Variants in DCLK3 observed in about 807,000 individuals in gnomAD.
The protein encoded by DCLK3 is serine/threonine-protein kinase DCLK3.
DCLK3 carries 30 observed loss-of-function variants against 46.4 expected under a neutral mutation model. That is an observed-to-expected ratio of 0.65 (90% CI 0.48 to 0.88). DCLK3 has a LOEUF of 0.88. Among genes scored for constraint, DCLK3 ranks in the 40% least tolerant of loss-of-function variants. DCLK3 has a pLI of 0.00. For missense variants in DCLK3, 846 were observed against 907.1 expected (o/e 0.93, Z 0.87); for synonymous variants, 401 against 339.2 (o/e 1.18, Z -2.00).
chr3:36,753,919 C>CCT (rs1559394765), intron 1 of DCLK3, among the ~76,000 whole-genome samples: 1 of 152,084 alleles, frequency 6.6e-6, no homozygotes, highest in Admixed American at 6.5e-5. Flanking sequence ...GCTCAAGTGA[C>CCT]CTCTCGCGCC....
At chr3:36,724,250 T>C (rs1701098293) in intron 2 of DCLK3, among the ~76,000 whole-genome samples, 1 of 152,192 alleles carries the variant, frequency 6.6e-6, no homozygotes, top group Admixed American at 6.5e-5. Context: ...CCCGACTGTA[T>C]CTAGGAAGTA....
At chr3:36,751,079 A>AAAAAAAAAAAC (rs1701437549) in intron 1 of DCLK3, among the ~76,000 whole-genome samples, 1 of 151,330 alleles carries the variant, frequency 6.6e-6, no homozygotes, top group Non-Finnish European at 1.5e-5. Flanking sequence ...AAAAAAAAAA[A>AAAAAAAAAAAC]AAAAAAACTC....
Position 36,738,155 on chromosome 3 carries a change from C to T in DCLK3, c.1012G>A (p.Gly338Ser). The change falls in exon 2 of 5, where the codon GGC (glycine) becomes AGC (serine). Residue 338 changes from glycine to serine, a missense_variant. By Grantham distance (56) the Gly-to-Ser change is moderately conservative. Transcript: ENST00000636136. ...AGCTTCTCCACATCATACATTGGGC[C>T]CTTCCCCATATCCAGCTCACTGGTC... ...LGTSELDMGK[G>S]PMYDVEKLVR... is the part of the protein sequence containing the mutation. The T allele has an allele frequency of 6.2e-7, 1 of 1,614,082 alleles. No individual in the cohort carries two copies. Among genetic ancestry groups the T allele is most frequent in the Non-Finnish European group, 8.5e-7 (1 of 1,180,000 alleles).
chr3:36,751,061 TCTAA>T lies in DCLK3; in HGVS notation c.83-11981_83-11978del, dbSNP rs1415038052. Among the ~76,000 whole-genome samples, 189 of 28,232 alleles carry T rather than the reference TCTAA, an allele frequency of 6.7e-3. 4 individuals carry two copies. The highest frequency in any genetic ancestry group is 9.4e-3 in the Non-Finnish European group (123 of 13,098). 18.5% of individuals were successfully genotyped at this position (28,232 alleles called of 152,430 possible). On this transcript the variant is annotated intron_variant, in intron 1 of 4. Transcript: ENST00000636136. ...CCTGATATCCCTGTAGACGGGATGA[TCTAA>T]AAAAAAAAAAAAAAAAAAAAACTCC... is the stretch of plus-strand genomic sequence containing the variant.
intron 1 of DCLK3, among the ~76,000 whole-genome samples, chr3:36,752,071 C>T (rs1054309871): frequency 6.6e-6 from 1 of 152,258 alleles, no homozygotes; most frequent in Non-Finnish European, 1.5e-5. Flanking sequence ...CCAGCTCTTA[C>T]ACGTGTTGGC....
In DCLK3 at chr3:36,738,388, G is replaced by A; in HGVS notation, c.779C>T (p.Thr260Ile). The A allele has an allele frequency of 6.7e-7, 1 of 1,494,846 alleles. No homozygotes were observed. The highest frequency in any genetic ancestry group is 8.9e-7 in the Non-Finnish European group (1 of 1,125,430). 92.6% of individuals were successfully genotyped at this position (1,494,846 alleles called of 1,614,324 possible). Residue 260 changes from threonine to isoleucine, a missense_variant, in exon 2 of 5, where the codon ACC becomes ATC. Thr to Ile is a moderately conservative substitution (Grantham distance 89). Around this residue, in one of 3 missense-constraint regions of DCLK3, gnomAD observed 553 missense variants for 543.0 expected, o/e 1.02. Transcript: ENST00000636136. ...EELSLDDRAR[T>I]QKKWGRGKWE... is the part of the protein sequence containing the mutation. ...TTTCCCCCTCCCCCACTTCTTCTGG[G>A]TCCTCGCTCTGTCATCTAGTGAAAG...
intron 2 of DCLK3, among the ~76,000 whole-genome samples, chr3:36,725,086 G>A (rs6798877): frequency 0.018 from 2,767 of 151,788 alleles, 72 homozygotes; most frequent in African/African-American, 0.063. Context: ...AGGCCAAGAC[G>A]GGCGGATCAT....
At chr3:36,716,579 G>C (rs1858008) in intron 4 of DCLK3, among the ~76,000 whole-genome samples, 124,017 of 152,214 alleles carry the variant, frequency 0.81, 50,628 homozygotes, top group Middle Eastern at 0.88. Context: ...GACACCCCAG[G>C]CAACATGTCC....
chr3:36,754,656 A>T (rs922231095), intron 1 of DCLK3, among the ~76,000 whole-genome samples: 1 of 152,210 alleles, frequency 6.6e-6, no homozygotes, highest in African/African-American at 2.4e-5. Flanking sequence ...GAAAACCCAC[A>T]ATGAACCCAA....
chr3:36,717,761 T>G (rs541716341), intron 4 of DCLK3, among the ~76,000 whole-genome samples: 1 of 152,158 alleles, frequency 6.6e-6, no homozygotes, highest in Non-Finnish European at 1.5e-5. Context: ...TGTTCTGAGG[T>G]TCTTGAATTG....
chr3:36,762,327 T>C (rs772002591), intron 1 of DCLK3, among the ~76,000 whole-genome samples: 5 of 152,196 alleles, frequency 3.3e-5, no homozygotes, highest in Non-Finnish European at 7.3e-5. Context: ...CATGTTTTTA[T>C]CTGGATTCCT....
At chr3:36,733,169 A>G (rs1355321328) in intron 2 of DCLK3, among the ~76,000 whole-genome samples, 2 of 152,112 alleles carry the variant, frequency 1.3e-5, no homozygotes, top group East Asian at 1.9e-4. Flanking sequence ...TCCCACCATC[A>G]CCACCACCAT....
At position 36,714,930 on chromosome 3, in the gene DCLK3, T is replaced by TA. The variant is rs1354892123; in HGVS notation, c.*397dup. On this transcript the variant is annotated 3_prime_UTR_variant, in exon 5 of 5. Coordinates refer to ENST00000636136, the MANE Select transcript of DCLK3 (RefSeq NM_001394672.2). The stretch of plus-strand genomic sequence containing the variant: ...AATCAGAATACAGGCCCACTTCTGT[T>TA]ATTCAGAGCACATTTTATTAACACA... The TA allele has an allele frequency of 5.9e-6, 1 of 170,378 alleles. No homozygotes were observed. The highest frequency in any genetic ancestry group is 1.8e-4 in the East Asian group (1 of 5,574). The allele number at this position is 170,378 out of a possible 1,614,324, so 10.6% of individuals were successfully genotyped here.
intron 1 of DCLK3, among the ~76,000 whole-genome samples, chr3:36,761,334 T>G (rs1701537545): frequency 6.6e-6 from 1 of 152,160 alleles, no homozygotes; most frequent in African/African-American, 2.4e-5. Context: ...AAATGAATGG[T>G]GAAGATACTG....
intron 2 of DCLK3, among the ~76,000 whole-genome samples, chr3:36,725,015 T>TTA (rs1283837453): frequency 4.9e-5 from 7 of 142,490 alleles, no homozygotes; most frequent in Non-Finnish European, 7.6e-5. Context: ...TCTCATTTGT[T>TTA]AAAAAAAAAA....
At chr3:36,753,291 G>A (rs1701459437) in intron 1 of DCLK3, among the ~76,000 whole-genome samples, 1 of 152,108 alleles carries the variant, frequency 6.6e-6, no homozygotes, top group Non-Finnish European at 1.5e-5. Context: ...CCTCCCAATA[G>A]AATAAAAATC....
intron 1 of DCLK3, among the ~76,000 whole-genome samples, chr3:36,748,364 G>A (rs955486452): frequency 1.3e-5 from 2 of 152,196 alleles, no homozygotes; most frequent in African/African-American, 4.8e-5. Context: ...AATGCTGAAG[G>A]AGCTGTGTTT....
At chr3:36,731,617 C>T (rs925668013) in intron 2 of DCLK3, among the ~76,000 whole-genome samples, 2 of 152,116 alleles carry the variant, frequency 1.3e-5, no homozygotes, top group Non-Finnish European at 2.9e-5. Context: ...ACGACTGATC[C>T]AGCTTCAGGT....
chr3:36,738,887 G>A lies in DCLK3; in HGVS notation c.280C>T (p.Pro94Ser). The A allele has an allele frequency of 2.2e-6, 1 of 451,688 alleles. No individual in the cohort carries two copies. The allele number at this position is 451,688 out of a possible 1,614,324, so 28.0% of individuals were successfully genotyped here. The change falls in exon 2 of 5, where the codon CCC becomes TCC. Residue 94 changes from proline (P) to serine (S), a missense_variant. Pro to Ser is a moderately conservative substitution (Grantham distance 74, BLOSUM62 -1). This residue lies in a region of DCLK3 where 553 missense variants were observed against 543.0 expected (regional missense o/e 1.02). Transcript: ENST00000636136. ...AGCTTCACTACGGTCACGACCCTGG[G>A]CTTCAGAGGGCTGTTCTCAGGATGT... ...SAHPENSPLK[P>S]RVVTVVKLGG...
Sources: gnomAD v4.1 joint callset for allele counts (sites outside exome capture counted in the v4.1 genomes callset) on GRCh38, gnomAD v4.1.1 for gene constraint, gnomAD v4.1.1 regional missense constraint, MANE v1.5 for transcripts, NCBI Gene and HGNC (gene_info 2026-07-23, HGNC 2026-07-21) for gene names.